The following KIAA0232 variants were observed in gnomAD, a reference collection of about 807,000 sequenced individuals.
KIAA0232 encodes uncharacterized protein KIAA0232.
In KIAA0232, 27 loss-of-function variants were observed where a neutral mutation model predicts 122.0. The observed-to-expected ratio is 0.22, with a 90% CI of 0.16 to 0.31. The LOEUF is 0.31. Among genes scored for constraint, KIAA0232 ranks in the 10% least tolerant of loss-of-function variants. The pLI is 1.00. For synonymous variants in KIAA0232, 613 were observed against 587.6 expected (o/e 1.04, Z -0.63); for missense variants, 1,551 against 1,634.2 (o/e 0.95, Z 0.88).
Position 6,862,464 on chromosome 4 carries a change from T to C in KIAA0232, c.2082T>C (p.Asn694=), listed in dbSNP as rs2108800962. 2 of 1,614,152 alleles carry C rather than the reference T, an allele frequency of 1.2e-6. No individual in the cohort carries two copies. Among genetic ancestry groups the C allele is most frequent in the Non-Finnish European group, 8.5e-7 (1 of 1,180,018 alleles). Residue 694 remains asparagine (N), a synonymous_variant, in exon 7 of 10, where the codon AAT becomes AAC. Transcript: ENST00000307659. ...CTAGATTGCTAATATGGACCAAAAA[T>C]AGTGCCTTTGAAGAAAATGAACACT... The part of the protein sequence containing the change: ...TQSRLLIWTK[N]SAFEENEHCS...
rs774045665 is a variant in KIAA0232 at position 6,861,305 on chromosome 4, C to T, written c.923C>T (p.Ala308Val). Reference sequence around the variant, plus strand: ...AGTGGGAATCAGGGAGAATTAAAAGCATCCATGAAGTATGTTAAAGTAAGA... The same window carrying T: ...AGTGGGAATCAGGGAGAATTAAAAGTATCCATGAAGTATGTTAAAGTAAGA... ...SSSGNQGELKASMKYVKVRHK... is the reference protein window; with the variant it reads ...SSSGNQGELKVSMKYVKVRHK... The change falls in exon 7 of 10, where the codon GCA (alanine) becomes GTA (valine). Residue 308 changes from alanine (A) to valine (V), a missense_variant. Transcript: ENST00000307659. 1.9e-5 allele frequency: 31 copies of T among 1,613,984 alleles called. No individual in the cohort carries two copies. The South Asian group carries it at 2.2e-4, about 11-fold the overall frequency.
chr4:6,809,192 T>C (rs1177241965), intron 2 of KIAA0232, among the ~76,000 whole-genome samples: 1 of 152,252 alleles, frequency 6.6e-6, no homozygotes, highest in Admixed American at 6.5e-5. Context: ...ATAGTTTGTC[T>C]GTGTTTACCA....
At chr4:6,832,445 T>A (rs1172519045) in intron 3 of KIAA0232, among the ~76,000 whole-genome samples, 3 of 150,060 alleles carry the variant, frequency 2.0e-5, no homozygotes, top group Non-Finnish European at 4.4e-5. Context: ...ACCTCCCAGG[T>A]TCAAGCGATT....
intron 7 of KIAA0232, among the ~76,000 whole-genome samples, chr4:6,867,751 C>A (rs1293330601): frequency 3.3e-5 from 5 of 152,192 alleles, no homozygotes; most frequent in African/African-American, 4.8e-5. Flanking sequence ...AGGCTTCTGT[C>A]ACCACTATCC....
chr4:6,803,860 A>G (rs1040614175), intron 1 of KIAA0232, among the ~76,000 whole-genome samples: 6 of 152,140 alleles, frequency 3.9e-5, no homozygotes, highest in African/African-American at 1.4e-4. Context: ...ACTTGAACAT[A>G]TCTGAAATTT....
chr4:6,785,246 G>T (rs934565550), intron 1 of KIAA0232, among the ~76,000 whole-genome samples: 2 of 152,142 alleles, frequency 1.3e-5, no homozygotes, highest in African/African-American at 4.8e-5. Context: ...TGATTAGATG[G>T]ATTTTTAACA....
chr4:6,800,639 C>G (rs991504317), intron 1 of KIAA0232, among the ~76,000 whole-genome samples: 1 of 151,764 alleles, frequency 6.6e-6, no homozygotes, highest in Non-Finnish European at 1.5e-5. Context: ...CGAGATCATG[C>G]CACTGCACTG....
At chr4:6,845,295 C>T (rs969617043) in intron 4 of KIAA0232, among the ~76,000 whole-genome samples, 11 of 152,142 alleles carry the variant, frequency 7.2e-5, no homozygotes, top group Admixed American at 3.3e-4. Context: ...CTGTGAGTGA[C>T]GTGCCCAGAG....
intron 2 of KIAA0232, among the ~76,000 whole-genome samples, chr4:6,810,818 G>A (rs1007217848): frequency 6.6e-6 from 1 of 152,052 alleles, no homozygotes; most frequent in Non-Finnish European, 1.5e-5. Context: ...TGGCCTACAC[G>A]TATATGAAGA....
At chr4:6,879,686 G>C (rs1315802286) in intron 9 of KIAA0232, among the ~76,000 whole-genome samples, 1 of 152,142 alleles carries the variant, frequency 6.6e-6, no homozygotes, top group Non-Finnish European at 1.5e-5. Context: ...TCATGTCCTG[G>C]GGTCCAGAGA....
chr4:6,842,355 G>T, intron 4 of KIAA0232, 151 bp downstream of exon 4: 17 of 750,368 alleles, frequency 2.3e-5, no homozygotes, highest in South Asian at 1.0e-4. Context: ...TTTCCTTTAT[G>T]GTATTTTTCT....
intron 7 of KIAA0232, among the ~76,000 whole-genome samples, chr4:6,870,548 A>T (rs1037578761): frequency 6.6e-6 from 1 of 152,232 alleles, no homozygotes; most frequent in Non-Finnish European, 1.5e-5. Context: ...CACGCCTGTA[A>T]TCCCAGCACT....
intron 1 of KIAA0232, among the ~76,000 whole-genome samples, chr4:6,795,777 G>C (rs1310254181): frequency 6.6e-6 from 1 of 152,148 alleles, no homozygotes; most frequent in Non-Finnish European, 1.5e-5. Flanking sequence ...TTTTTGTAGA[G>C]ACTGGGTCTC....
At chr4:6,823,303 A>G (rs1718509512) in intron 2 of KIAA0232, among the ~76,000 whole-genome samples, 1 of 152,230 alleles carries the variant, frequency 6.6e-6, no homozygotes, top group East Asian at 1.9e-4. Context: ...CAGTAATGGG[A>G]TGGCTGGGTC....
chr4:6,830,023 CTTTG>C (rs1376068909), intron 3 of KIAA0232, among the ~76,000 whole-genome samples: 3 of 152,172 alleles, frequency 2.0e-5, no homozygotes, highest in African/African-American at 4.8e-5. Context: ...ATAATGCATT[CTTTG>C]TTTATTATTC....
intron 1 of KIAA0232, among the ~76,000 whole-genome samples, chr4:6,789,494 GA>G (rs1165209318): frequency 6.8e-6 from 1 of 147,982 alleles, no homozygotes; most frequent in Non-Finnish European, 1.5e-5. Context: ...GGTTGGTCTT[GA>G]ACTCCTGACC....
At position 6,871,622 on chromosome 4, in the gene KIAA0232, A is replaced by G; in HGVS notation, c.3850A>G (p.Lys1284Glu). 1 of 1,613,218 alleles carries G rather than the reference A, an allele frequency of 6.2e-7. No individual in the cohort carries two copies. The highest frequency in any genetic ancestry group is 1.1e-5 in the South Asian group (1 of 91,052). ...DIQGMNRSQEKQTWWEKALYS... is the reference protein window; with the variant it reads ...DIQGMNRSQEEQTWWEKALYS... ...ACAAGGAATGAATAGAAGTCAAGAA[A>G]AACAGACCTGGTGGGAAAAAGCCTT... Residue 1284 changes from lysine (K) to glutamate (E), a missense_variant, in exon 8 of 10, where the codon AAA (lysine) becomes GAA (glutamate). Around this residue, in one of 5 missense-constraint regions of KIAA0232, gnomAD observed 1,108 missense variants for 1,154.8 expected, o/e 0.96. Transcript: ENST00000307659.
Position 6,864,040 on chromosome 4 carries a change from G to A in KIAA0232, c.3658G>A (p.Glu1220Lys). The change falls in exon 7 of 10, where the codon GAA becomes AAA. Residue 1220 changes from glutamate to lysine, a missense_variant. This residue lies in a region of KIAA0232 where 1,108 missense variants were observed against 1,154.8 expected (regional missense o/e 0.96). Transcript: ENST00000307659. ...CLECSMNESL[E>K]IDLESSEANC... ...GGAATGTAGCATGAATGAATCCCTG[G>A]AAATAGATTTAGAAAGCTCAGAAGC... 1 of 1,614,158 alleles carries A rather than the reference G, an allele frequency of 6.2e-7. No homozygotes were observed. Among genetic ancestry groups the A allele is most frequent in the Non-Finnish European group, 8.5e-7 (1 of 1,180,014 alleles).
At chr4:6,823,610 GA>G (rs958642092) in intron 2 of KIAA0232, among the ~76,000 whole-genome samples, 9 of 151,818 alleles carry the variant, frequency 5.9e-5, no homozygotes, top group Admixed American at 1.3e-4. Flanking sequence ...ATGTTTCAAT[GA>G]AATTACTCTT....
Sources: gnomAD v4.1 joint callset for allele counts (sites outside exome capture counted in the v4.1 genomes callset) on GRCh38, gnomAD v4.1.1 for gene constraint, gnomAD v4.1.1 regional missense constraint, MANE v1.5 for transcripts, NCBI Gene and HGNC (gene_info 2026-07-23, HGNC 2026-07-21) for gene names.